COL15A1: variants seen among roughly 807,000 people sequenced by gnomAD.
COL15A1 encodes the protein collagen type XV alpha 1 chain, also known as collagen alpha-1(XV) chain.
Under a neutral mutation model 165.9 loss-of-function variants are expected in COL15A1, and 111 were observed. The ratio of observed to expected loss-of-function variants is 0.67; its 90% confidence interval spans 0.57 to 0.78. The LOEUF (loss-of-function observed/expected upper bound fraction) is 0.78, where lower values mean the gene tolerates loss of function less well. COL15A1 is among the 30% of genes least tolerant of loss of function. The pLI, the probability that COL15A1 is intolerant of heterozygous loss-of-function variation, is 0.00. For missense variants in COL15A1, 1,745 were observed against 1,789.7 expected (o/e 0.98, Z 0.45); for synonymous variants, 659 against 674.8 (o/e 0.98, Z 0.36).
At chr9:99,065,514 G>A (rs1189890258) in intron 39 of COL15A1, among the ~76,000 whole-genome samples, 2 of 151,694 alleles carry the variant, frequency 1.3e-5, no homozygotes, top group South Asian at 4.2e-4. Context: ...GATTGTGGTG[G>A]GTGGGCAGCA....
intron 9 of COL15A1, among the ~76,000 whole-genome samples, chr9:99,008,825 G>T (rs1342539416): frequency 6.6e-6 from 1 of 152,008 alleles, no homozygotes; most frequent in African/African-American, 2.4e-5. Flanking sequence ...GGTCAGGCTG[G>T]TCTCAAACTC....
chr9:99,061,993 A>G lies in COL15A1; in HGVS notation c.3425A>G (p.Asp1142Gly), dbSNP rs1825822526. The change falls in exon 37 of 42, where the codon GAT (aspartate) becomes GGT (glycine). Residue 1142 changes from aspartate (D) to glycine (G), a missense_variant. By Grantham distance (94) the Asp-to-Gly change is moderately conservative. Transcript: ENST00000375001. ...RNLVTAFSNM[D>G]DMLQKAHLVI... ...CAGGTCACAGCATTCAGCAACATGG[A>G]TGACATGCTGCAGAAAGCGCATTTG... The G allele has an allele frequency of 2.0e-5, 33 of 1,613,724 alleles. No homozygotes were observed. The East Asian group carries it at 7.4e-4, about 36-fold the overall frequency.
At chr9:99,060,753 G>A (rs918291829) in intron 36 of COL15A1, among the ~76,000 whole-genome samples, 23 of 152,066 alleles carry the variant, frequency 1.5e-4, no homozygotes, top group African/African-American at 2.4e-5. Flanking sequence ...TGGGTGTGGT[G>A]GTGCATATCT....
chr9:99,063,257 G>A, intron 39 of COL15A1, 148 bp downstream of exon 39: 1 of 1,053,722 alleles, frequency 9.5e-7, no homozygotes, highest in Non-Finnish European at 1.3e-6. Flanking sequence ...ACAATACAGT[G>A]TGGTAAGTTG....
Position 99,028,511 on chromosome 9 carries a change from C to T in COL15A1, c.2043+2545C>T, listed in dbSNP as rs146780506. On this transcript the variant is annotated intron_variant, in intron 16 of 41. Transcript: ENST00000375001. ...ACTAAAAATACAAAAATTAGCCGGG[C>T]GCAGTGGCACAAACCTGTAATCCCA... 4.1e-3 allele frequency among the ~76,000 whole-genome samples: 623 copies of T among 152,024 alleles called. 2 individuals carry two copies. The highest frequency in any genetic ancestry group is 0.014 in the African/African-American group (591 of 41,446).
At chr9:98,974,691 C>A (rs1838114300) in intron 2 of COL15A1, among the ~76,000 whole-genome samples, 1 of 152,206 alleles carries the variant, frequency 6.6e-6, no homozygotes, top group African/African-American at 2.4e-5. Flanking sequence ...CCTACTGGTC[C>A]AGCCCCAGGC....
rs1824815373 is a variant in COL15A1 at position 99,070,613 on chromosome 9, C to G, written c.*727C>G. 1 of 453,788 alleles carries G rather than the reference C, an allele frequency of 2.2e-6. No individual in the cohort carries two copies. The highest frequency in any genetic ancestry group is 2.0e-5 in the African/African-American group (1 of 49,922). 28.1% of individuals were successfully genotyped at this position (453,788 alleles called of 1,614,324 possible). ...CCCCTTGGCGGCTCTCCTCCCCAACCCCCACCCCACAATTTTATGACTTCC... is the reference window on the plus strand; with the variant it reads ...CCCCTTGGCGGCTCTCCTCCCCAACGCCCACCCCACAATTTTATGACTTCC... On this transcript the variant is annotated 3_prime_UTR_variant, in exon 42 of 42. Transcript: ENST00000375001.
In COL15A1 at chr9:99,062,110, A is replaced by C; in HGVS notation, c.3531+11A>C. On this transcript the variant is annotated intron_variant, in intron 37 of 41. Transcript: ENST00000375001. ...TGGAAAAAATTACAGGTAATTTCTA[A>C]ACTTCCTTTAACACACTGCCTTCAA... The C allele has an allele frequency of 6.2e-7, 1 of 1,613,728 alleles. No homozygotes were observed. The highest frequency in any genetic ancestry group is 8.5e-7 in the Non-Finnish European group (1 of 1,179,824).
At chr9:98,971,713 C>G (rs774520806) in intron 2 of COL15A1, among the ~76,000 whole-genome samples, 20 of 152,246 alleles carry the variant, frequency 1.3e-4, no homozygotes, top group Non-Finnish European at 2.1e-4. Flanking sequence ...CTGCGGCTAA[C>G]TGCTGCCAGG....
At chr9:98,955,974 G>A (rs1375893054) in intron 2 of COL15A1, among the ~76,000 whole-genome samples, 1 of 152,204 alleles carries the variant, frequency 6.6e-6, no homozygotes, top group Non-Finnish European at 1.5e-5. Flanking sequence ...CTGACTCCTA[G>A]GCCAGTGCTC....
At chr9:99,022,062 C>A in intron 12 of COL15A1, 29 bp from the exon 13 acceptor site, 6 of 1,613,596 alleles carry the variant, frequency 3.7e-6, no homozygotes, top group Non-Finnish European at 5.1e-6. Flanking sequence ...AGAGTTCCAG[C>A]CGTTCACTGA....
At chr9:98,952,467 CT>C (rs539099403) in intron 2 of COL15A1, among the ~76,000 whole-genome samples, 93 of 152,266 alleles carry the variant, frequency 6.1e-4, no homozygotes, top group African/African-American at 2.2e-3. Context: ...GTGCATTTAT[CT>C]TTTTTCTTCT....
At chr9:99,062,413 A>G in intron 38 of COL15A1, 109 bp downstream of exon 38, 3 of 830,162 alleles carry the variant, frequency 3.6e-6, no homozygotes, top group South Asian at 1.4e-5. Context: ...TCAGCTGTGC[A>G]CGGTTTAGTA....
chr9:99,069,650 A>T, intron 41 of COL15A1, 23 bp from the exon 42 acceptor site: 1 of 1,585,568 alleles, frequency 6.3e-7, no homozygotes, highest in Non-Finnish European at 8.6e-7. Context: ...TTTGAAAAAT[A>T]ACATGACAAA....
At position 99,034,586 on chromosome 9, in the gene COL15A1, TAAAAAAAA is replaced by T. The variant is rs60290557; in HGVS notation, c.2079+23_2079+30del. Reference sequence around the variant, plus strand: ...CCTAATGGCTCAGTTGGTGAAAAGGTAAAAAAAAAAAAAAAAAAAAAAAAAAAAGAACT... The same window carrying T: ...CCTAATGGCTCAGTTGGTGAAAAGGTAAAAAAAAAAAAAAAAAAAAGAACT... On this transcript the variant is annotated splice_donor_5th_base_variant and intron_variant, in intron 17 of 41. Transcript: ENST00000375001. 312 of 1,074,270 alleles carry T rather than the reference TAAAAAAAA, an allele frequency of 2.9e-4. No individual in the cohort carries two copies. Among genetic ancestry groups the T allele is most frequent in the East Asian group, 1.3e-3 (31 of 24,624 alleles). 66.5% of individuals were successfully genotyped at this position (1,074,270 alleles called of 1,614,324 possible). A position where few individuals can be genotyped will look rare whatever the true frequency, so the allele number is the denominator to read the frequency against.
intron 9 of COL15A1, among the ~76,000 whole-genome samples, chr9:99,006,660 C>T (rs1197217849): frequency 2.0e-5 from 3 of 149,656 alleles, no homozygotes; most frequent in African/African-American, 2.4e-5. Context: ...TTCCTTTCTC[C>T]TCCTCTTCTT....
chr9:99,037,531 C>A (rs190034299), intron 21 of COL15A1, among the ~76,000 whole-genome samples: 1 of 152,124 alleles, frequency 6.6e-6, no homozygotes, highest in African/African-American at 2.4e-5. Context: ...CCAGCCTGGG[C>A]AACATAGCAA....
At chr9:99,023,249 C>A in intron 13 of COL15A1, 108 bp from the exon 14 acceptor site, 1 of 1,360,418 alleles carries the variant, frequency 7.4e-7, no homozygotes, top group Non-Finnish European at 9.8e-7. Context: ...AGTTATCGGG[C>A]TATAGGATAT....
At chr9:99,018,330 G>A (rs77697456) in intron 11 of COL15A1, among the ~76,000 whole-genome samples, 16,134 of 152,106 alleles carry the variant, frequency 0.11, 1,066 homozygotes, top group East Asian at 0.32. Context: ...AAGAAACTGG[G>A]TCAGTTTCTT....
Sources: allele counts gnomAD v4.1 joint callset (sites outside exome capture counted in the v4.1 genomes callset), GRCh38; gene constraint gnomAD v4.1.1; transcripts MANE v1.5; gene names NCBI Gene and HGNC (gene_info 2026-07-23, HGNC 2026-07-21).